The following CHD2 variants were observed in gnomAD, a reference collection of about 807,000 sequenced individuals.
CHD2 encodes the protein ATP-dependent chromatin remodeler CHD2.
A neutral mutation model predicts 243.9 loss-of-function variants in CHD2; 28 were observed. That is an observed-to-expected ratio of 0.11 (90% CI 0.09 to 0.16). The LOEUF is 0.16. Ranked by LOEUF, CHD2 falls within the 10% of genes least tolerant of loss-of-function variation. CHD2 has a pLI of 1.00. For synonymous variants in CHD2, 775 were observed against 779.0 expected, an observed-to-expected ratio of 0.99 and a Z score of 0.09; for missense variants, 1,386 against 2,209.8, an observed-to-expected ratio of 0.63 and a Z score of 7.47.
intron 32 of CHD2, among the ~76,000 whole-genome samples, chr15:93,001,778 A>G (rs1017213089): frequency 3.3e-5 from 5 of 152,138 alleles, no homozygotes; most frequent in African/African-American, 1.2e-4. Flanking sequence ...CAGCCTCCCA[A>G]AGTGCTGGAA....
intron 2 of CHD2, among the ~76,000 whole-genome samples, chr15:92,924,017 AGCC>A (rs2053010864): frequency 6.6e-6 from 1 of 152,214 alleles, no homozygotes; most frequent in Non-Finnish European, 1.5e-5. Flanking sequence ...GCCTCAGTTC[AGCC>A]TCATTTGAAT....
At chr15:93,010,744 G>A (rs1431894702) in intron 35 of CHD2, among the ~76,000 whole-genome samples, 1 of 152,146 alleles carries the variant, frequency 6.6e-6, no homozygotes, top group Non-Finnish European at 1.5e-5. Context: ...ATTCTAAAAG[G>A]CAATTGTAAC....
At chr15:93,000,867 T>C (rs1251435934) in intron 32 of CHD2, among the ~76,000 whole-genome samples, 2 of 152,066 alleles carry the variant, frequency 1.3e-5, no homozygotes, top group Non-Finnish European at 2.9e-5. Flanking sequence ...TTGTTGTTGT[T>C]GTTTGTTTGT....
At chr15:92,993,944 C>G (rs1038752577) in intron 28 of CHD2, among the ~76,000 whole-genome samples, 10 of 152,094 alleles carry the variant, frequency 6.6e-5, no homozygotes, top group African/African-American at 2.2e-4. Flanking sequence ...TGCACTTCAG[C>G]CTGGGTGACA....
intron 26 of CHD2, among the ~76,000 whole-genome samples, chr15:92,990,356 A>G (rs955404191): frequency 2.0e-5 from 3 of 152,178 alleles, no homozygotes; most frequent in African/African-American, 7.2e-5. Flanking sequence ...AAGCTTGCTG[A>G]GCCATTTTCT....
At chr15:92,978,606 C>T (rs1308926031) in intron 21 of CHD2, among the ~76,000 whole-genome samples, 1 of 152,148 alleles carries the variant, frequency 6.6e-6, no homozygotes, top group Admixed American at 6.5e-5. Flanking sequence ...ACAACATCAG[C>T]GACCTTCTAT....
At chr15:92,901,053 G>T in intron 1 of CHD2, 114 bp from the exon 2 acceptor site, 4 of 600,768 alleles carry the variant, frequency 6.7e-6, no homozygotes, top group Admixed American at 3.4e-5. Flanking sequence ...TAGTTTTTTG[G>T]TGCTTACCGT....
chr15:92,973,056 G>GT (rs2053863376), intron 19 of CHD2, among the ~76,000 whole-genome samples: 1 of 152,156 alleles, frequency 6.6e-6, no homozygotes. Context: ...TAGAGAGGAA[G>GT]TAAGTGTGAG....
chr15:92,972,367 A>G lies in CHD2; in HGVS notation c.2455A>G (p.Met819Val), dbSNP rs1182925799. Residue 819 changes from methionine (M) to valine (V), a missense_variant, in exon 19 of 39, where the codon ATG (methionine) becomes GTG (valine). Physicochemically the swap from Met to Val is conservative, Grantham distance 21 (BLOSUM62 1). Around this residue, in one of 19 missense-constraint regions of CHD2, gnomAD observed 118 missense variants for 266.3 expected, o/e 0.44. Transcript: ENST00000394196. ...RVLIFSQMVRMLDILAEYLTI... is the reference protein window; with the variant it reads ...RVLIFSQMVRVLDILAEYLTI... ...GCTTATCTTCTCTCAGATGGTGAGA[A>G]TGTTGGATATCCTGGCTGAATACCT... is the stretch of plus-strand genomic sequence containing the variant. 6.2e-7 allele frequency: 1 copy of G among 1,612,172 alleles called. No individual in the cohort carries two copies. The highest frequency in any genetic ancestry group is 2.2e-5 in the East Asian group (1 of 44,820).
chr15:92,979,068 TTC>T lies in CHD2; in HGVS notation c.2728-61_2728-60del, dbSNP rs1312574500. 9 of 1,575,554 alleles carry T rather than the reference TTC, an allele frequency of 5.7e-6. No individual in the cohort carries two copies. In the African/African-American group the frequency reaches 6.8e-5, roughly 12 times the overall value. ...TCTTGGGTTTTGACAGAGCTAATCCTTCTCTCTTTTTTTGGGGGGGTTGGGGG... is the reference window on the plus strand; with the variant it reads ...TCTTGGGTTTTGACAGAGCTAATCCTTCTCTTTTTTTGGGGGGGTTGGGGG... On this transcript the variant is annotated intron_variant, in intron 21 of 38. Coordinates refer to ENST00000394196, the MANE Select transcript of CHD2 (RefSeq NM_001271.4).
At chr15:92,954,892 A>G (rs10152627) in intron 14 of CHD2, among the ~76,000 whole-genome samples, 111,324 of 152,026 alleles carry the variant, frequency 0.73, 42,315 homozygotes, top group East Asian at 0.96. Flanking sequence ...GTATGAATGT[A>G]CTCATCTTTG....
At chr15:92,984,103 T>C (rs2054012101) in intron 24 of CHD2, among the ~76,000 whole-genome samples, 1 of 152,216 alleles carries the variant, frequency 6.6e-6, no homozygotes, top group Non-Finnish European at 1.5e-5. Flanking sequence ...TGTAGCTGTT[T>C]CTCTGCTTTT....
intron 19 of CHD2, 64 bp downstream of exon 19, chr15:92,972,481 C>G (rs2053853256): frequency 7.2e-7 from 1 of 1,379,664 alleles, no homozygotes; most frequent in Admixed American, 2.3e-5. Flanking sequence ...CCCTCCCCAA[C>G]CTTCCTACAC....
At chr15:93,023,574 A>C (rs1596463383) in intron 38 of CHD2, among the ~76,000 whole-genome samples, 1 of 152,052 alleles carries the variant, frequency 6.6e-6, no homozygotes, top group East Asian at 1.9e-4. Context: ...GAAACACCAA[A>C]ATGTTTCTAC....
At chr15:92,959,700 C>T (rs2053660531) in intron 16 of CHD2, among the ~76,000 whole-genome samples, 1 of 152,170 alleles carries the variant, frequency 6.6e-6, no homozygotes, top group Non-Finnish European at 1.5e-5. Context: ...CCATGTTGGC[C>T]AGGCTGGTCT....
In CHD2 at chr15:93,002,178, A is replaced by G; in HGVS notation, c.4139A>G (p.Asp1380Gly). 6.3e-7 allele frequency: 1 copy of G among 1,586,154 alleles called. No individual in the cohort carries two copies. Among genetic ancestry groups the G allele is most frequent in the Admixed American group, 2.0e-5 (1 of 51,250 alleles). ...DNPSEEGEVK[D>G]DGLEKSPMKK... is the part of the protein sequence containing the mutation. Reference sequence around the variant, plus strand: ...TCATAGCCCTGTTTTGTTTCCTAGGATGATGGCTTGGAAAAAAGTCCAATG... The same window carrying G: ...TCATAGCCCTGTTTTGTTTCCTAGGGTGATGGCTTGGAAAAAAGTCCAATG... Residue 1380 changes from aspartate (D) to glycine (G), a missense_variant and splice_region_variant, in exon 33 of 39, where the codon GAT (aspartate) becomes GGT (glycine). This residue lies in a region of CHD2 where 125 missense variants were observed against 128.9 expected (regional missense o/e 0.97). Coordinates refer to ENST00000394196, the MANE Select transcript of CHD2 (RefSeq NM_001271.4).
chr15:92,927,370 C>G, intron 4 of CHD2, 40 bp downstream of exon 4: 2 of 1,388,040 alleles, frequency 1.4e-6, no homozygotes, highest in Non-Finnish European at 2.0e-6. Context: ...TTTAAACTCC[C>G]TATCTTACTT....
chr15:92,927,528 A>G (rs1471923869), intron 4 of CHD2, among the ~76,000 whole-genome samples, 198 bp downstream of exon 4: 1 of 152,234 alleles, frequency 6.6e-6, no homozygotes, highest in African/African-American at 2.4e-5. Context: ...CAGAAAGATC[A>G]TATAATAGTG....
intron 2 of CHD2, among the ~76,000 whole-genome samples, chr15:92,919,777 G>T (rs778145650): frequency 1.2e-4 from 19 of 152,106 alleles, no homozygotes; most frequent in Non-Finnish European, 2.5e-4. Flanking sequence ...TTTGGATTTG[G>T]CTCTCATGAT....
Sources: gnomAD v4.1 joint callset for allele counts (sites outside exome capture counted in the v4.1 genomes callset) on GRCh38, gnomAD v4.1.1 for gene constraint, gnomAD v4.1.1 regional missense constraint, MANE v1.5 for transcripts, NCBI Gene and HGNC (gene_info 2026-07-23, HGNC 2026-07-21) for gene names.